Variants in TRIM66 observed in about 807,000 individuals in gnomAD.
TRIM66 encodes the protein tripartite motif containing 66.
Under a neutral mutation model 148.2 loss-of-function variants are expected in TRIM66, and 99 were observed. That is an observed-to-expected ratio of 0.67 (90% CI 0.57 to 0.79). TRIM66 has a LOEUF of 0.79. TRIM66 is among the 30% of genes least tolerant of loss of function. TRIM66 has a pLI of 0.00. For synonymous variants in TRIM66, 616 were observed against 635.9 expected (o/e 0.97, Z 0.47); for missense variants, 1,666 against 1,697.9 (o/e 0.98, Z 0.33).
intron 15 of TRIM66, among the ~76,000 whole-genome samples, chr11:8,628,632 A>G (rs80345035): frequency 1.5e-3 from 127 of 85,936 alleles, no homozygotes; most frequent in South Asian, 4.3e-3. Context: ...AAAAAAAAAA[A>G]AAAAAGAGAG....
intron 3 of TRIM66, among the ~76,000 whole-genome samples, chr11:8,675,680 C>T (rs11042034): frequency 0.35 from 53,667 of 152,032 alleles, 9,629 homozygotes; most frequent in African/African-American, 0.37. Context: ...TCGCACCCGG[C>T]CTGCCAGTTG....
intron 6 of TRIM66, among the ~76,000 whole-genome samples, chr11:8,661,307 C>G (rs2038236868): frequency 6.6e-6 from 1 of 152,330 alleles, no homozygotes; most frequent in Middle Eastern, 3.4e-3. Context: ...AGAGCCCATG[C>G]TCCTAGGAAC....
intron 15 of TRIM66, among the ~76,000 whole-genome samples, chr11:8,632,677 T>C (rs2035525524): frequency 6.6e-6 from 1 of 152,066 alleles, no homozygotes; most frequent in Admixed American, 6.6e-5. Context: ...AGGCTGCTGG[T>C]CTTGAAATCC....
chr11:8,670,155 G>A (rs1001972399), intron 6 of TRIM66, among the ~76,000 whole-genome samples: 2 of 151,956 alleles, frequency 1.3e-5, no homozygotes, highest in Non-Finnish European at 2.9e-5. Context: ...TGGGACTATA[G>A]GCACGCAACA....
At chr11:8,627,736 C>G (rs1226872241) in intron 15 of TRIM66, among the ~76,000 whole-genome samples, 1 of 152,186 alleles carries the variant, frequency 6.6e-6, no homozygotes, top group African/African-American at 2.4e-5. Flanking sequence ...TTTTTGAATA[C>G]TGACTTTGTA....
At chr11:8,663,906 T>C (rs761545884) in intron 6 of TRIM66, among the ~76,000 whole-genome samples, 5 of 152,084 alleles carry the variant, frequency 3.3e-5, no homozygotes, top group Admixed American at 1.3e-4. Flanking sequence ...CTCACTCACG[T>C]AGAATCTAAA....
At chr11:8,622,737 C>T in intron 18 of TRIM66, 79 bp downstream of exon 18, 2 of 1,339,414 alleles carry the variant, frequency 1.5e-6, no homozygotes, top group Non-Finnish European at 2.1e-6. Context: ...GTTAATTCAT[C>T]AAGGATGCTT....
intron 7 of TRIM66, among the ~76,000 whole-genome samples, chr11:8,650,849 A>C (rs2037297340): frequency 6.6e-6 from 1 of 152,336 alleles, no homozygotes; most frequent in Middle Eastern, 3.4e-3. Context: ...CAGGAAATTC[A>C]ATGTGCTTCA....
chr11:8,666,059 G>A (rs953590263), intron 6 of TRIM66, among the ~76,000 whole-genome samples: 1 of 151,688 alleles, frequency 6.6e-6, no homozygotes, highest in Admixed American at 6.6e-5. Context: ...ATAAGAAGCT[G>A]GGCGCAGTGG....
intron 14 of TRIM66, 47 bp from the exon 15 acceptor site, chr11:8,638,862 T>C: frequency 1.3e-6 from 2 of 1,532,300 alleles, no homozygotes; most frequent in South Asian, 1.2e-5. Context: ...GCAGACAGCG[T>C]AGCAGCAGCA....
chr11:8,624,394 G>A lies in TRIM66; in HGVS notation c.2984C>T (p.Thr995Met), dbSNP rs755406204. Residue 995 changes from threonine to methionine, a missense_variant, in exon 17 of 25, where the codon ACG (threonine) becomes ATG (methionine). Coordinates refer to ENST00000646038, the MANE Select transcript of TRIM66 (RefSeq NM_001388022.1). ...KKPPLAPVVSTSTALQQYQNP... is the reference protein window; with the variant it reads ...KKPPLAPVVSMSTALQQYQNP... ...CTGGTACTGCTGCAGAGCTGTAGACGTGCTGACCACTGGCGCCAGTGGAGG... is the reference window on the plus strand; with the variant it reads ...CTGGTACTGCTGCAGAGCTGTAGACATGCTGACCACTGGCGCCAGTGGAGG... The A allele has an allele frequency of 3.6e-5, 56 of 1,551,414 alleles. No individual in the cohort carries two copies. Among genetic ancestry groups the A allele is most frequent in the Non-Finnish European group, 4.4e-5 (51 of 1,146,972 alleles).
At chr11:8,630,660 C>T (rs939679553) in intron 15 of TRIM66, among the ~76,000 whole-genome samples, 1 of 152,136 alleles carries the variant, frequency 6.6e-6, no homozygotes, top group Non-Finnish European at 1.5e-5. Flanking sequence ...CATCTCCTCT[C>T]GATCCTCGTT....
At chr11:8,618,707 C>T in intron 24 of TRIM66, 43 bp downstream of exon 24, 2 of 1,531,016 alleles carry the variant, frequency 1.3e-6, no homozygotes, top group East Asian at 4.9e-5. Flanking sequence ...CTCTGCTTGC[C>T]TGATCACCGC....
chr11:8,633,108 G>A (rs762796706), intron 15 of TRIM66, among the ~76,000 whole-genome samples: 1 of 152,148 alleles, frequency 6.6e-6, no homozygotes, highest in Non-Finnish European at 1.5e-5. Flanking sequence ...GGAGAATTTG[G>A]TCAAAGGTAT....
chr11:8,679,981 T>C lies in TRIM66; in HGVS notation c.-465A>G, dbSNP rs1335966006. 1 of 152,354 alleles carries C rather than the reference T, an allele frequency of 6.6e-6. No individual in the cohort carries two copies. The highest frequency in any genetic ancestry group is 1.5e-5 in the Non-Finnish European group (1 of 68,124). 9.4% of individuals were successfully genotyped at this position (152,354 alleles called of 1,614,324 possible). A position where few individuals can be genotyped will look rare whatever the true frequency, so the allele number is the denominator to read the frequency against. On this transcript the variant is annotated 5_prime_UTR_variant, in exon 2 of 25. Transcript: ENST00000646038. ...CACACACGTAAAATGAGGCTGGTAG[T>C]GCTGTACCTTCAGGCAGATGTATTT...
chr11:8,640,886 C>A lies in TRIM66; in HGVS notation c.1489G>T (p.Glu497Ter), dbSNP rs2133090152. Reference protein sequence around the residue: ...HPAHSFRQPPEMVPQQLGSLQ... With the variant: ...HPAHSFRQPP Reference sequence around the variant, plus strand: ...GACCCCAGCTGCTGGGGCACCATCTCAGGGGGCTGCCTGAAGCTGTGGGCT... The same window carrying A: ...GACCCCAGCTGCTGGGGCACCATCTAAGGGGGCTGCCTGAAGCTGTGGGCT... Residue 497 changes from glutamate (E) to a stop codon, truncating the protein, a stop_gained, in exon 14 of 25, where the codon GAG becomes TAG. Coordinates refer to ENST00000646038, the MANE Select transcript of TRIM66 (RefSeq NM_001388022.1). LOFTEE classifies it high-confidence loss of function. The A allele has an allele frequency of 1.3e-6, 2 of 1,550,434 alleles. No homozygotes were observed. The highest frequency in any genetic ancestry group is 2.7e-5 in the African/African-American group (2 of 73,078).
At chr11:8,637,207 C>G (rs375545754) in intron 15 of TRIM66, among the ~76,000 whole-genome samples, 2 of 152,182 alleles carry the variant, frequency 1.3e-5, no homozygotes, top group Non-Finnish European at 2.9e-5. Context: ...GTCTCTTCCA[C>G]CAGACTGTAC....
chr11:8,674,379 A>G (rs1465431244), intron 4 of TRIM66, among the ~76,000 whole-genome samples: 1 of 151,710 alleles, frequency 6.6e-6, no homozygotes, highest in African/African-American at 2.4e-5. Flanking sequence ...CCTTTTTTCC[A>G]TTTATTTATT....
chr11:8,671,381 T>C (rs2038920890), intron 6 of TRIM66, among the ~76,000 whole-genome samples: 1 of 152,152 alleles, frequency 6.6e-6, no homozygotes, highest in Non-Finnish European at 1.5e-5. Flanking sequence ...GCAGCTTAAA[T>C]ACTGAATAGT....
Sources: allele counts gnomAD v4.1 joint callset (sites outside exome capture counted in the v4.1 genomes callset), GRCh38; gene constraint gnomAD v4.1.1; transcripts MANE v1.5; gene names NCBI Gene and HGNC (gene_info 2026-07-23, HGNC 2026-07-21).